The following FNBP4 variants were observed in gnomAD, a reference collection of about 807,000 sequenced individuals.
FNBP4 encodes formin-binding protein 4.
FNBP4 carries 34 observed loss-of-function variants against 119.3 expected under a neutral mutation model. The observed-to-expected ratio is 0.28, with a 90% CI of 0.22 to 0.38. The LOEUF (loss-of-function observed/expected upper bound fraction) is 0.38. Among genes scored for constraint, FNBP4 ranks in the 10% least tolerant of loss-of-function variants. The pLI is 1.00. For missense variants in FNBP4, 1,112 were observed against 1,228.9 expected (o/e 0.90, Z 1.42); for synonymous variants, 462 against 430.6 (o/e 1.07, Z -0.90).
chr11:47,733,113 C>T (rs1205115674), intron 10 of FNBP4, among the ~76,000 whole-genome samples: 2 of 152,078 alleles, frequency 1.3e-5, no homozygotes, highest in African/African-American at 4.8e-5. Flanking sequence ...AGTGAAACTC[C>T]GTCTCAAAAA....
rs1288330853 is a variant in FNBP4, at chr11:47,732,541, C to T, written c.1816G>A (p.Asp606Asn). Reference protein sequence around the residue: ...ATPKGWSCHWDRDHRRYFYVN... With the variant: ...ATPKGWSCHWNRDHRRYFYVN... ...AAAGGGGAGAAGAGTGCGTACCTGT[C>T]CCAGTGGCAGGACCAGCCTTTAGGA... The change falls in exon 11 of 17, where the codon GAC becomes AAC. Residue 606 changes from aspartate to asparagine, a missense_variant. Coordinates refer to ENST00000263773, the MANE Select transcript of FNBP4 (RefSeq NM_015308.5). The surrounding 1 kb of genome is among the most constrained non-coding windows in gnomAD (Gnocchi z 4.2). 3 of 1,614,154 alleles carry T rather than the reference C, an allele frequency of 1.9e-6. No homozygotes were observed. Among genetic ancestry groups the T allele is most frequent in the Non-Finnish European group, 1.7e-6 (2 of 1,180,030 alleles).
At chr11:47,752,094 C>T (rs1202840362) in intron 4 of FNBP4, among the ~76,000 whole-genome samples, 3 of 152,024 alleles carry the variant, frequency 2.0e-5, no homozygotes, top group Non-Finnish European at 4.4e-5. Flanking sequence ...TTTTCTGAGC[C>T]GACTATCCTA....
chr11:47,740,626 CT>C (rs1224659565), intron 8 of FNBP4, among the ~76,000 whole-genome samples: 1 of 151,140 alleles, frequency 6.6e-6, no homozygotes, highest in Non-Finnish European at 1.5e-5. Context: ...GACAGTCTCA[CT>C]CTGTCGCTTA....
chr11:47,734,012 A>AT lies in FNBP4; in HGVS notation c.1686+12_1686+13insA. ...TAACTGTTTATGCCAAAAAAAAAAA[A>AT]AAAAAGACTTACCTCAGTCTGTAAG... On this transcript the variant is annotated intron_variant, in intron 10 of 16. Transcript: ENST00000263773. 1.4e-6 allele frequency: 2 copies of AT among 1,424,134 alleles called. No individual in the cohort carries two copies. Among genetic ancestry groups the AT allele is most frequent in the Non-Finnish European group, 1.9e-6 (2 of 1,059,216 alleles). The allele number at this position is 1,424,134 out of a possible 1,614,324, so 88.2% of individuals were successfully genotyped here. A position where few individuals can be genotyped will look rare whatever the true frequency, so the allele number is the denominator to read the frequency against.
intron 9 of FNBP4, among the ~76,000 whole-genome samples, 154 bp downstream of exon 9, chr11:47,736,462 A>T (rs555632326): frequency 6.6e-6 from 1 of 152,040 alleles, no homozygotes; most frequent in East Asian, 1.9e-4. Flanking sequence ...AGGCTGAAGC[A>T]GGAGAATGGC....
chr11:47,755,545 G>A (rs1396909868), intron 2 of FNBP4, among the ~76,000 whole-genome samples: 1 of 151,660 alleles, frequency 6.6e-6, no homozygotes, highest in East Asian at 1.9e-4. Flanking sequence ...TTCTTCGGGA[G>A]GATCTGAGGC....
rs201280112 is a variant in FNBP4 at position 47,736,744 on chromosome 11, TA to T, written c.1457-5del. ...TCTGAATTTTCAGCACCAATTGCTG[TA>T]AAAAAAACATGTAAAATTAAACCAA... On this transcript the variant is annotated splice_polypyrimidine_tract_variant and splice_region_variant and intron_variant, in intron 8 of 16. Transcript: ENST00000263773. The T allele has an allele frequency of 1.4e-5, 22 of 1,590,010 alleles. No individual in the cohort carries two copies. The highest frequency in any genetic ancestry group is 1.7e-5 in the Admixed American group (1 of 57,838).
At chr11:47,755,926 G>A (rs2097616742) in intron 2 of FNBP4, among the ~76,000 whole-genome samples, 1 of 152,180 alleles carries the variant, frequency 6.6e-6, no homozygotes, top group African/African-American at 2.4e-5. Context: ...AGAATTTGGT[G>A]ATTAAAGTGT....
Position 47,724,050 on chromosome 11 carries a change from A to G in FNBP4, c.2442T>C (p.Tyr814=), listed in dbSNP as rs778252868. ...SATIGSSPVL[Y]SQSAIATGHQ... The stretch of plus-strand genomic sequence containing the variant: ...TACCTGTAGCTATAGCTGACTGGCT[A>G]TAGAGAACTGGAGAACTGCCAATGG... Residue 814 remains tyrosine, a synonymous_variant, in exon 14 of 17, where the codon TAT becomes TAC. Transcript: ENST00000263773. 1.9e-6 allele frequency: 3 copies of G among 1,614,108 alleles called. No individual in the cohort carries two copies. The African/African-American group carries it at 4.0e-5, about 22-fold the overall frequency.
chr11:47,758,531 G>C (rs1450530760), intron 2 of FNBP4, among the ~76,000 whole-genome samples: 1 of 152,066 alleles, frequency 6.6e-6, no homozygotes, highest in Non-Finnish European at 1.5e-5. Context: ...CACCTCACCT[G>C]ATCACAATAG....
At chr11:47,731,311 A>G (rs1242249642) in intron 12 of FNBP4, 63 bp downstream of exon 12, 1 of 1,446,384 alleles carries the variant, frequency 6.9e-7, no homozygotes, top group East Asian at 2.3e-5. Context: ...TAATAATGTA[A>G]ATTAATAAGA....
At position 47,766,974 on chromosome 11, in the gene FNBP4, C is replaced by G. The variant is rs1183677674; in HGVS notation, c.220+95G>C. ...CAGCAGGCAGGCCTCGGAAGCCGAC[C>G]TCGCCCGCCTCCCTCGCCGGGTCTG... On this transcript the variant is annotated intron_variant, in intron 1 of 16. Transcript: ENST00000263773. 7 of 1,412,322 alleles carry G rather than the reference C, an allele frequency of 5.0e-6. No individual in the cohort carries two copies. The African/African-American group carries it at 1.1e-4, about 21-fold the overall frequency. The allele number at this position is 1,412,322 out of a possible 1,614,324, so 87.5% of individuals were successfully genotyped here. A position where few individuals can be genotyped will look rare whatever the true frequency, so the allele number is the denominator to read the frequency against.
chr11:47,734,219 G>GAAT, intron 9 of FNBP4, 90 bp from the exon 10 acceptor site: 1 of 654,618 alleles, frequency 1.5e-6, no homozygotes, highest in Non-Finnish European at 2.5e-6. Context: ...ATAGATATTA[G>GAAT]AAATATGGGT....
intron 6 of FNBP4, among the ~76,000 whole-genome samples, chr11:47,749,199 A>C (rs528627087): frequency 6.6e-6 from 1 of 152,214 alleles, no homozygotes; most frequent in South Asian, 2.1e-4. Context: ...TGAGCTCAGG[A>C]GAGTAAATCT....
intron 10 of FNBP4, among the ~76,000 whole-genome samples, chr11:47,733,398 GAGC>G (rs1237378103): frequency 6.6e-6 from 1 of 151,902 alleles, no homozygotes; most frequent in African/African-American, 2.4e-5. Flanking sequence ...GAGTACAGTG[GAGC>G]AATCTCTGCT....
Position 47,767,082 on chromosome 11 carries a change from G to A in FNBP4, c.207C>T (p.Asp69=), listed in dbSNP as rs1448043287. 58 of 1,531,280 alleles carry A rather than the reference G, an allele frequency of 3.8e-5. No individual in the cohort carries two copies. The highest frequency in any genetic ancestry group is 4.9e-5 in the Non-Finnish European group (56 of 1,145,536). The allele number at this position is 1,531,280 out of a possible 1,614,324, so 94.9% of individuals were successfully genotyped here. A position where few individuals can be genotyped will look rare whatever the true frequency, so the allele number is the denominator to read the frequency against. Residue 69 remains aspartate (D), a synonymous_variant, in exon 1 of 17, where the codon GAC becomes GAT. Transcript: ENST00000263773. ...GCGCACCCTTGCCTTCTGAAGGCGA[G>A]TCGTCCGAGGCCGCGGCGGCAGTCA... ...TAVTAAAASD[D]SPSEDEQEAV... is the part of the protein sequence containing the mutation.
At chr11:47,727,097 CAG>C (rs1264493356) in intron 12 of FNBP4, 1 of 152,052 alleles carries the variant, frequency 6.6e-6, no homozygotes, top group Non-Finnish European at 1.5e-5. Context: ...CAAGTAAACA[CAG>C]AGTCGGTTCA....
At chr11:47,721,628 C>A (rs1349282277) in intron 15 of FNBP4, among the ~76,000 whole-genome samples, 1 of 151,810 alleles carries the variant, frequency 6.6e-6, no homozygotes, top group Admixed American at 6.6e-5. Flanking sequence ...ATCAATGATA[C>A]AGTTAGTTCT....
chr11:47,763,498 T>C (rs1188395668), intron 2 of FNBP4, among the ~76,000 whole-genome samples: 1 of 2,924 alleles, frequency 3.4e-4, no homozygotes, highest in Admixed American at 6.5e-3. Context: ...CATAGTGTTT[T>C]GTTTTGTTTT....
Sources: gnomAD v4.1 joint callset for allele counts (sites outside exome capture counted in the v4.1 genomes callset) on GRCh38, gnomAD v4.1.1 for gene constraint, Gnocchi (gnomAD v3.1) non-coding constraint, MANE v1.5 for transcripts, NCBI Gene and HGNC (gene_info 2026-07-23, HGNC 2026-07-21) for gene names.